The following WDFY2 variants were observed in gnomAD, a reference collection of about 807,000 sequenced individuals.
WDFY2 encodes WD repeat and FYVE domain-containing protein 2.
In WDFY2, 36 loss-of-function variants were observed where a neutral mutation model predicts 56.4. The observed-to-expected ratio is 0.64, with a 90% confidence interval of 0.49 to 0.84. The LOEUF (loss-of-function observed/expected upper bound fraction) is 0.84, where lower values mean the gene tolerates loss of function less well. WDFY2 is among the 40% of genes least tolerant of loss of function. The pLI, the probability that WDFY2 is intolerant of heterozygous loss-of-function variation, is 0.00. For missense variants in WDFY2, 444 were observed against 512.2 expected (o/e 0.87, Z 1.29); for synonymous variants, 176 against 183.7 (o/e 0.96, Z 0.34).
chr13:51,743,560 G>C (rs567943221), intron 7 of WDFY2, among the ~76,000 whole-genome samples: 1 of 152,192 alleles, frequency 6.6e-6, no homozygotes, highest in Non-Finnish European at 1.5e-5. Flanking sequence ...TCCTGCCTTG[G>C]GATCTGACTA....
intron 1 of WDFY2, among the ~76,000 whole-genome samples, chr13:51,637,850 G>A (rs1030837937): frequency 6.6e-6 from 1 of 152,190 alleles, no homozygotes; most frequent in African/African-American, 2.4e-5. Context: ...ATTATTTAAA[G>A]CAAAATTAGG....
intron 3 of WDFY2, among the ~76,000 whole-genome samples, chr13:51,691,744 G>A (rs1956163442): frequency 6.6e-6 from 1 of 151,972 alleles, no homozygotes; most frequent in African/African-American, 2.4e-5. Context: ...AAAGTCATTG[G>A]TAGCTTGATG....
chr13:51,723,859 AT>A, intron 5 of WDFY2, among the ~76,000 whole-genome samples: 1 of 152,060 alleles, frequency 6.6e-6, no homozygotes, highest in Non-Finnish European at 1.5e-5. Context: ...CTAAATGGTG[AT>A]TTTCTAATCC....
intron 6 of WDFY2, among the ~76,000 whole-genome samples, chr13:51,731,290 G>A (rs973311344): frequency 3.3e-5 from 5 of 152,156 alleles, no homozygotes; most frequent in African/African-American, 1.2e-4. Flanking sequence ...TTGCCTCCAG[G>A]TCAGAAAAGA....
intron 5 of WDFY2, among the ~76,000 whole-genome samples, chr13:51,722,290 C>T (rs888780189): frequency 6.6e-5 from 10 of 151,882 alleles, no homozygotes; most frequent in Admixed American, 3.3e-4. Flanking sequence ...TTCTTTCAGG[C>T]GTCTTAGTGG....
chr13:51,633,668 G>C (rs2138385914), intron 1 of WDFY2, among the ~76,000 whole-genome samples: 1 of 152,248 alleles, frequency 6.6e-6, no homozygotes, highest in African/African-American at 2.4e-5. Context: ...TCCTGAATTA[G>C]TTGGATCATT....
intron 3 of WDFY2, among the ~76,000 whole-genome samples, chr13:51,692,564 A>C (rs1951764475): frequency 6.6e-6 from 1 of 152,182 alleles, no homozygotes; most frequent in Non-Finnish European, 1.5e-5. Context: ...ATGGTGGATA[A>C]GCTTTTCGAT....
intron 4 of WDFY2, among the ~76,000 whole-genome samples, chr13:51,706,705 G>C (rs958108797): frequency 6.6e-6 from 1 of 152,186 alleles, no homozygotes; most frequent in Non-Finnish European, 1.5e-5. Flanking sequence ...TGGCCCATAA[G>C]ACCCCACGGT....
chr13:51,701,492 G>T (rs1417937019), intron 3 of WDFY2, among the ~76,000 whole-genome samples: 1 of 141,112 alleles, frequency 7.1e-6, no homozygotes, highest in Non-Finnish European at 1.5e-5. Flanking sequence ...CTGCACTCCA[G>T]CCTGGGTGAC....
chr13:51,625,859 A>G (rs1000016727), intron 1 of WDFY2, among the ~76,000 whole-genome samples: 7 of 152,230 alleles, frequency 4.6e-5, no homozygotes, highest in Non-Finnish European at 8.8e-5. Flanking sequence ...TTTTCATCTG[A>G]TGCAGCATTT....
chr13:51,763,444 T>A lies in WDFY2; in HGVS notation c.*3675T>A. The A allele has an allele frequency of 6.6e-6, 1 of 152,270 alleles. No homozygotes were observed. Among genetic ancestry groups the A allele is most frequent in the Admixed American group, 6.5e-5 (1 of 15,288 alleles). 9.4% of individuals were successfully genotyped at this position (152,270 alleles called of 1,614,324 possible). The stretch of plus-strand genomic sequence containing the variant: ...TTCACCCTGCCCCGTTTGGCTGCGA[T>A]TCCCAGGCTTACAGCACTGCCCTTA... On this transcript the variant is annotated 3_prime_UTR_variant, in exon 12 of 12. Transcript: ENST00000298125.
At chr13:51,709,870 G>A (rs899518387) in intron 4 of WDFY2, among the ~76,000 whole-genome samples, 3 of 152,144 alleles carry the variant, frequency 2.0e-5, no homozygotes, top group Non-Finnish European at 4.4e-5. Flanking sequence ...AGAGGAGCTG[G>A]TACCATTCCT....
At chr13:51,673,280 A>G (rs998681768) in intron 2 of WDFY2, among the ~76,000 whole-genome samples, 10 of 152,218 alleles carry the variant, frequency 6.6e-5, no homozygotes, top group African/African-American at 2.4e-4. Flanking sequence ...TAATTATAGC[A>G]TAACCGGATA....
At chr13:51,601,495 A>G (rs1593862022) in intron 1 of WDFY2, among the ~76,000 whole-genome samples, 1 of 151,508 alleles carries the variant, frequency 6.6e-6, no homozygotes, top group African/African-American at 2.4e-5. Flanking sequence ...GCTCACTGCA[A>G]CCTCTGCCTC....
At chr13:51,712,383 G>T (rs1477072411) in intron 4 of WDFY2, among the ~76,000 whole-genome samples, 1 of 152,028 alleles carries the variant, frequency 6.6e-6, no homozygotes, top group Non-Finnish European at 1.5e-5. Flanking sequence ...CATGGCACAA[G>T]TATACATATG....
chr13:51,704,810 T>A (rs1201668216), intron 4 of WDFY2, among the ~76,000 whole-genome samples: 6 of 152,228 alleles, frequency 3.9e-5, no homozygotes, highest in South Asian at 2.1e-4. Flanking sequence ...CTTAAAAAAA[T>A]TTTTTTAATT....
chr13:51,641,825 C>CAAA (rs750489541), intron 1 of WDFY2, among the ~76,000 whole-genome samples: 867 of 37,376 alleles, frequency 0.023, 38 homozygotes, highest in Non-Finnish European at 0.037. Context: ...GACTCCGTCT[C>CAAA]AAAAAAAAAA....
At chr13:51,640,497 T>C (rs897927301) in intron 1 of WDFY2, among the ~76,000 whole-genome samples, 2 of 152,196 alleles carry the variant, frequency 1.3e-5, no homozygotes, top group African/African-American at 4.8e-5. Flanking sequence ...AATGCTACAG[T>C]ACATATCTAT....
chr13:51,591,469 A>G (rs1954041577), intron 1 of WDFY2: 1 of 152,254 alleles, frequency 6.6e-6, no homozygotes, highest in Non-Finnish European at 1.5e-5. Flanking sequence ...GGCCTGGGTT[A>G]TCTAGATTAA....
Sources: allele counts gnomAD v4.1 joint callset (sites outside exome capture counted in the v4.1 genomes callset), GRCh38; gene constraint gnomAD v4.1.1; transcripts MANE v1.5; gene names NCBI Gene and HGNC (gene_info 2026-07-23, HGNC 2026-07-21).